Variants in CTNND2 observed in about 807,000 individuals in gnomAD.
The protein encoded by CTNND2 is catenin delta-2.
Under a neutral mutation model 144.4 loss-of-function variants are expected in CTNND2, and 22 were observed. The observed-to-expected ratio is 0.15, with a 90% CI of 0.11 to 0.22. CTNND2 has a LOEUF of 0.22. Among genes scored for constraint, CTNND2 ranks in the 10% least tolerant of loss-of-function variants. The pLI, the probability that CTNND2 is intolerant of heterozygous loss-of-function variation, is 1.00. For synonymous variants in CTNND2, 751 were observed against 695.6 expected, an observed-to-expected ratio of 1.08 and a Z score of -1.25; for missense variants, 1,353 against 1,618.8, an observed-to-expected ratio of 0.84 and a Z score of 2.82.
chr5:11,219,524 T>G (rs1310199658), intron 10 of CTNND2, among the ~76,000 whole-genome samples: 1 of 152,192 alleles, frequency 6.6e-6, no homozygotes, highest in Non-Finnish European at 1.5e-5. Context: ...TTAATCCCTG[T>G]GAATATATGA....
In CTNND2 at chr5:11,325,018, C is replaced by T. The variant is rs2040648; in HGVS notation, c.1628+21354G>A. On this transcript the variant is annotated intron_variant, in intron 9 of 21. Coordinates refer to ENST00000304623, the MANE Select transcript of CTNND2 (RefSeq NM_001332.4). ...TCAAAGTCTGTAGTGCAAGAATGAA[C>T]CCTCTTTGCCTGAACTGGTGTTTAA... 9.5e-3 allele frequency among the ~76,000 whole-genome samples: 1,439 copies of T among 151,036 alleles called. 18 individuals are homozygous for T. Among genetic ancestry groups the T allele is most frequent in the African/African-American group, 0.031 (1,267 of 41,160 alleles).
chr5:11,756,069 A>G (rs1305409589), intron 1 of CTNND2, among the ~76,000 whole-genome samples: 1 of 151,626 alleles, frequency 6.6e-6, no homozygotes, highest in Non-Finnish European at 1.5e-5. Context: ...TGAGTAAGCT[A>G]GTGTTCCTTC....
chr5:11,354,573 T>C (rs1755665984), intron 8 of CTNND2, among the ~76,000 whole-genome samples: 1 of 152,174 alleles, frequency 6.6e-6, no homozygotes, highest in South Asian at 2.1e-4. Flanking sequence ...TCTGAGAACA[T>C]TTCCACGAAC....
chr5:11,050,482 T>C (rs879371737), intron 16 of CTNND2, among the ~76,000 whole-genome samples: 1 of 152,244 alleles, frequency 6.6e-6, no homozygotes, highest in Admixed American at 6.5e-5. Context: ...TTTAGTTTCA[T>C]GACAATTAAC....
chr5:11,341,740 G>A (rs1338201663), intron 9 of CTNND2, among the ~76,000 whole-genome samples: 1 of 152,156 alleles, frequency 6.6e-6, no homozygotes, highest in Non-Finnish European at 1.5e-5. Context: ...AGGCACTGTA[G>A]CTCATGCTTG....
chr5:11,357,115 T>A (rs79906812), intron 8 of CTNND2, among the ~76,000 whole-genome samples: 1 of 152,032 alleles, frequency 6.6e-6, no homozygotes, highest in Admixed American at 6.6e-5. Flanking sequence ...GAAAACAATA[T>A]GTTGGTTCCT....
At chr5:11,676,059 G>T (rs1317147542) in intron 2 of CTNND2, among the ~76,000 whole-genome samples, 1 of 151,930 alleles carries the variant, frequency 6.6e-6, no homozygotes, top group East Asian at 2.0e-4. Flanking sequence ...ACACCTCCCA[G>T]TAGGGGCCAA....
At chr5:11,334,903 T>C (rs1158994504) in intron 9 of CTNND2, among the ~76,000 whole-genome samples, 3 of 152,228 alleles carry the variant, frequency 2.0e-5, no homozygotes, top group African/African-American at 7.2e-5. Flanking sequence ...CCTAGAATAC[T>C]GAAAAGGTAC....
At chr5:11,166,105 AC>A (rs1034245075) in intron 11 of CTNND2, among the ~76,000 whole-genome samples, 1 of 152,202 alleles carries the variant, frequency 6.6e-6, no homozygotes, top group Admixed American at 6.5e-5. Flanking sequence ...AAATGTATTT[AC>A]AATTAATTAG....
At chr5:11,069,677 CAGAGA>C (rs1748028283) in intron 16 of CTNND2, among the ~76,000 whole-genome samples, 1 of 29,762 alleles carries the variant, frequency 3.4e-5, no homozygotes, top group African/African-American at 2.8e-4. Flanking sequence ...GACAGACAGA[CAGAGA>C]GACAGAGAGA....
chr5:11,644,826 G>A (rs763108825), intron 2 of CTNND2, among the ~76,000 whole-genome samples: 1 of 152,070 alleles, frequency 6.6e-6, no homozygotes, highest in Non-Finnish European at 1.5e-5. Flanking sequence ...TCAAACTGTG[G>A]ATAACTATGA....
intron 3 of CTNND2, among the ~76,000 whole-genome samples, chr5:11,429,286 C>G (rs2149870345): frequency 6.6e-6 from 1 of 152,286 alleles, no homozygotes; most frequent in East Asian, 1.9e-4. Context: ...CTCAAGCTTT[C>G]TATTAAATGA....
intron 3 of CTNND2, among the ~76,000 whole-genome samples, chr5:11,534,802 G>A (rs1330757967): frequency 6.6e-6 from 1 of 152,166 alleles, no homozygotes; most frequent in Non-Finnish European, 1.5e-5. Flanking sequence ...AAATATGTAA[G>A]TTAGTTTTTC....
chr5:11,851,275 G>A (rs749165728), intron 1 of CTNND2, among the ~76,000 whole-genome samples: 44 of 152,072 alleles, frequency 2.9e-4, no homozygotes, highest in South Asian at 6.3e-4. Flanking sequence ...GTGTGTGTGC[G>A]TATGTGGGTG....
At chr5:11,162,686 C>G (rs559799684) in intron 11 of CTNND2, among the ~76,000 whole-genome samples, 5 of 152,046 alleles carry the variant, frequency 3.3e-5, no homozygotes, top group Non-Finnish European at 7.4e-5. Context: ...GGATGGAACG[C>G]GGCAGATTTT....
At chr5:11,664,262 A>T (rs1783433807) in intron 2 of CTNND2, among the ~76,000 whole-genome samples, 1 of 152,218 alleles carries the variant, frequency 6.6e-6, no homozygotes, top group Admixed American at 6.5e-5. Context: ...ACAAACATTA[A>T]GAGTTTTCAG....
chr5:11,881,841 A>T (rs1224368155), intron 1 of CTNND2, among the ~76,000 whole-genome samples: 1 of 151,988 alleles, frequency 6.6e-6, no homozygotes, highest in African/African-American at 2.4e-5. Flanking sequence ...ACTAATTTAC[A>T]TTTCCACCGA....
intron 1 of CTNND2, among the ~76,000 whole-genome samples, chr5:11,805,051 A>G (rs10462673): frequency 0.1 from 15,155 of 152,154 alleles, 1,785 homozygotes; most frequent in African/African-American, 0.28. Flanking sequence ...CCATGGAAGC[A>G]TGGGTTAACG....
At chr5:11,214,530 CTTTTAT>C (rs1202547278) in intron 10 of CTNND2, among the ~76,000 whole-genome samples, 1 of 152,050 alleles carries the variant, frequency 6.6e-6, no homozygotes, top group African/African-American at 2.4e-5. Context: ...GGTTTTTTGT[CTTTTAT>C]TTCTACATTC....
Sources: allele counts gnomAD v4.1 joint callset (sites outside exome capture counted in the v4.1 genomes callset), GRCh38; gene constraint gnomAD v4.1.1; transcripts MANE v1.5; gene names NCBI Gene and HGNC (gene_info 2026-07-23, HGNC 2026-07-21).